The following SCLT1 variants were observed in gnomAD, a reference collection of about 807,000 sequenced individuals.
SCLT1 encodes the protein sodium channel and clathrin linker 1, also known as sodium channel-associated protein 1.
SCLT1 carries 78 observed loss-of-function variants against 112.8 expected under a neutral mutation model. The ratio of observed to expected loss-of-function variants is 0.69; its 90% CI spans 0.58 to 0.83. The LOEUF is 0.83. Among genes scored for constraint, SCLT1 ranks in the 40% least tolerant of loss-of-function variants. The pLI is 0.00. For missense variants in SCLT1, 747 were observed against 770.4 expected (o/e 0.97, Z 0.36); for synonymous variants, 257 against 254.7 (o/e 1.01, Z -0.09).
chr4:128,997,953 G>C lies in SCLT1; in HGVS notation c.550-14C>G, dbSNP rs371007550. 6 of 1,386,440 alleles carry C rather than the reference G, an allele frequency of 4.3e-6. No homozygotes were observed. Among genetic ancestry groups the C allele is most frequent in the Non-Finnish European group, 5.8e-6 (6 of 1,032,992 alleles). The allele number at this position is 1,386,440 out of a possible 1,614,324, so 85.9% of individuals were successfully genotyped here. The stretch of plus-strand genomic sequence containing the variant: ...AAATAGCTGATCCTACAGTGGGAAG[G>C]TAAGGGGAGTATATAAATAGCATTT... On this transcript the variant is annotated splice_polypyrimidine_tract_variant and intron_variant, in intron 7 of 20. Transcript: ENST00000281142.
intron 2 of SCLT1, among the ~76,000 whole-genome samples, chr4:129,053,086 T>C (rs1255663165): frequency 6.6e-6 from 1 of 152,238 alleles, no homozygotes; most frequent in Non-Finnish European, 1.5e-5. Flanking sequence ...CACTGTGTTC[T>C]GAGAGACTGT....
chr4:129,070,996 A>G (rs1231153277), intron 2 of SCLT1, among the ~76,000 whole-genome samples: 1 of 152,176 alleles, frequency 6.6e-6, no homozygotes, highest in East Asian at 1.9e-4. Context: ...TTCAGTTAGA[A>G]GAATTTTTAA....
chr4:129,039,207 A>C (rs2125692590), intron 4 of SCLT1, 111 bp from the exon 5 acceptor site: 1 of 648,620 alleles, frequency 1.5e-6, no homozygotes, highest in Non-Finnish European at 2.8e-6. Flanking sequence ...CAGATAAGAA[A>C]GACTTATTCT....
At chr4:128,897,686 T>A (rs1033250682) in intron 18 of SCLT1, among the ~76,000 whole-genome samples, 1 of 152,154 alleles carries the variant, frequency 6.6e-6, no homozygotes, top group South Asian at 2.1e-4. Flanking sequence ...TAATCTTAAA[T>A]GTAAATGCGC....
At chr4:129,078,926 G>A (rs1751695074) in intron 2 of SCLT1, among the ~76,000 whole-genome samples, 1 of 152,138 alleles carries the variant, frequency 6.6e-6, no homozygotes. Context: ...GAATGCAGAA[G>A]GTGAAGGGAA....
intron 2 of SCLT1, among the ~76,000 whole-genome samples, chr4:129,072,323 T>C (rs1033236127): frequency 1.3e-5 from 2 of 152,292 alleles, no homozygotes; most frequent in African/African-American, 4.8e-5. Flanking sequence ...CAGATGTTCT[T>C]TGTGCTTCTT....
chr4:128,957,284 C>G (rs1438388393), intron 12 of SCLT1, among the ~76,000 whole-genome samples, 160 bp from the exon 13 acceptor site: 1 of 152,096 alleles, frequency 6.6e-6, no homozygotes, highest in Non-Finnish European at 1.5e-5. Context: ...TTTTCCCTAA[C>G]CTCCTCACCT....
At chr4:129,030,132 A>T (rs1030772014) in intron 5 of SCLT1, among the ~76,000 whole-genome samples, 10 of 152,178 alleles carry the variant, frequency 6.6e-5, no homozygotes, top group South Asian at 6.2e-4. Context: ...CAGTGCAATC[A>T]AATTAGAACT....
At chr4:128,908,597 T>TA (rs1394089330) in intron 18 of SCLT1, among the ~76,000 whole-genome samples, 23 of 152,270 alleles carry the variant, frequency 1.5e-4, no homozygotes, top group Admixed American at 5.2e-4. Context: ...ATTGAATAAT[T>TA]AGATTCCTTT....
chr4:129,053,557 A>ATGTT (rs1749041065), intron 2 of SCLT1, among the ~76,000 whole-genome samples: 1 of 45,218 alleles, frequency 2.2e-5, no homozygotes, highest in Non-Finnish European at 3.9e-5. Flanking sequence ...GCAATCCCTG[A>ATGTT]TTTTTTTTTT....
At chr4:128,975,149 T>C (rs184244152) in intron 9 of SCLT1, among the ~76,000 whole-genome samples, 1 of 150,618 alleles carries the variant, frequency 6.6e-6, no homozygotes, top group East Asian at 2.0e-4. Context: ...CGCCATTCTC[T>C]TGCCTCAGCC....
intron 2 of SCLT1, among the ~76,000 whole-genome samples, chr4:129,057,013 C>T (rs1160858389): frequency 6.6e-6 from 1 of 152,124 alleles, no homozygotes; most frequent in Non-Finnish European, 1.5e-5. Context: ...TACTTTTACA[C>T]CTAATGTGTT....
At chr4:128,968,005 C>A (rs1233944797) in intron 10 of SCLT1, among the ~76,000 whole-genome samples, 1 of 152,120 alleles carries the variant, frequency 6.6e-6, no homozygotes, top group East Asian at 1.9e-4. Flanking sequence ...CTGTTCAGGT[C>A]ATTTTTCTAT....
chr4:128,957,497 T>C (rs1365672309), intron 12 of SCLT1, among the ~76,000 whole-genome samples: 4 of 152,160 alleles, frequency 2.6e-5, no homozygotes, highest in Admixed American at 2.6e-4. Context: ...TTCCATTATT[T>C]AGTATTATTC....
chr4:129,046,851 C>A (rs1235734158), intron 2 of SCLT1, among the ~76,000 whole-genome samples: 1 of 152,022 alleles, frequency 6.6e-6, no homozygotes, highest in Non-Finnish European at 1.5e-5. Flanking sequence ...TCACTCTAGC[C>A]AGTGGATATA....
At chr4:128,975,196 G>A (rs558160573) in intron 9 of SCLT1, among the ~76,000 whole-genome samples, 3 of 151,470 alleles carry the variant, frequency 2.0e-5, no homozygotes, top group South Asian at 2.1e-4. Context: ...CCACCACCAC[G>A]CCTGGCTAAT....
chr4:129,029,915 T>C (rs191756064), intron 5 of SCLT1, among the ~76,000 whole-genome samples: 11 of 152,044 alleles, frequency 7.2e-5, no homozygotes, highest in Non-Finnish European at 1.3e-4. Context: ...AACAGAAAAT[T>C]AACAAGGATA....
chr4:129,056,249 A>T (rs1247329888), intron 2 of SCLT1, among the ~76,000 whole-genome samples: 1 of 152,148 alleles, frequency 6.6e-6, no homozygotes, highest in Non-Finnish European at 1.5e-5. Context: ...GCCAATGTCT[A>T]TCTGCCAGTA....
At position 128,965,270 on chromosome 4, in the gene SCLT1, G is replaced by A. The variant is rs750651412; in HGVS notation, c.826C>T (p.Arg276Cys). The A allele has an allele frequency of 6.2e-6, 10 of 1,609,280 alleles. No homozygotes were observed. The highest frequency in any genetic ancestry group is 1.1e-5 in the South Asian group (1 of 90,934). ...ATACTAGACTGTAACTGCTGTAAACGCCTATCTGATGCTTCCTCTCTTCCA... is the reference window on the plus strand; with the variant it reads ...ATACTAGACTGTAACTGCTGTAAACACCTATCTGATGCTTCCTCTCTTCCA... ...AHGREEASDR[R>C]LQQLQSSIKQ... Residue 276 changes from arginine to cysteine, a missense_variant, in exon 11 of 21, where the codon CGT (arginine) becomes TGT (cysteine). Around this residue, in one of 2 missense-constraint regions of SCLT1, gnomAD observed 723 missense variants for 721.3 expected, o/e 1.00. Transcript: ENST00000281142.
Sources: gnomAD v4.1 joint callset for allele counts (sites outside exome capture counted in the v4.1 genomes callset) on GRCh38, gnomAD v4.1.1 for gene constraint, gnomAD v4.1.1 regional missense constraint, MANE v1.5 for transcripts, NCBI Gene and HGNC (gene_info 2026-07-23, HGNC 2026-07-21) for gene names.